LCOR: variants seen among roughly 807,000 people sequenced by gnomAD.
LCOR encodes ligand-dependent corepressor.
Under a neutral mutation model 64.4 loss-of-function variants are expected in LCOR, and 14 were observed. The ratio of observed to expected loss-of-function variants is 0.22; its 90% confidence interval spans 0.14 to 0.34. The LOEUF (loss-of-function observed/expected upper bound fraction) is 0.34, where lower values mean the gene tolerates loss of function less well. Among genes scored for constraint, LCOR ranks in the 10% least tolerant of loss-of-function variants. The probability of loss-of-function intolerance (pLI) is 1.00; values close to 1 mark genes in which losing one functional copy is unlikely to be tolerated. For synonymous variants in LCOR, 643 were observed against 642.5 expected (o/e 1.00, Z -0.01); for missense variants, 1,686 against 1,765.3 (o/e 0.96, Z 0.80).
At chr10:96,916,090 G>A (rs1846937998) in intron 4 of LCOR, among the ~76,000 whole-genome samples, 2 of 152,026 alleles carry the variant, frequency 1.3e-5, no homozygotes, top group African/African-American at 2.4e-5. Context: ...GGAGTGCAGT[G>A]GCGCAATCTG....
intron 2 of LCOR, among the ~76,000 whole-genome samples, chr10:96,860,271 T>C (rs1845866188): frequency 6.6e-6 from 1 of 152,190 alleles, no homozygotes; most frequent in East Asian, 1.9e-4. Context: ...ATAAGGTCTT[T>C]GCAGTTAAAA....
intron 7 of LCOR, among the ~76,000 whole-genome samples, chr10:96,972,885 T>G (rs548130743): frequency 1.3e-5 from 2 of 152,194 alleles, no homozygotes; most frequent in Non-Finnish European, 2.9e-5. Flanking sequence ...CATGGTAAAC[T>G]TAGCAATTAC....
chr10:96,956,196 T>C (rs962502888), intron 7 of LCOR: 4 of 1,165,988 alleles, frequency 3.4e-6, no homozygotes, highest in African/African-American at 1.6e-5. Context: ...TACATGGAAG[T>C]GGACTCCTTG....
chr10:96,991,019 ATG>A lies in LCOR; in HGVS notation c.*5887_*5888del, dbSNP rs1848195913. On this transcript the variant is annotated 3_prime_UTR_variant, in exon 8 of 8. Coordinates refer to ENST00000421806, the MANE Select transcript of LCOR (RefSeq NM_001346516.2). ...ATTTTTTACCCTTTTTTAAAGGGTTATGTAAAAAAAAAAAAAAAAAAAAAAAG... is the reference window on the plus strand; with the variant it reads ...ATTTTTTACCCTTTTTTAAAGGGTTATAAAAAAAAAAAAAAAAAAAAAAAG... 7.7e-6 allele frequency: 1 copy of A among 129,190 alleles called. No homozygotes were observed. The highest frequency in any genetic ancestry group is 2.9e-5 in the African/African-American group (1 of 34,386). The allele number at this position is 129,190 out of a possible 1,614,324, so 8.0% of individuals were successfully genotyped here. A position where few individuals can be genotyped will look rare whatever the true frequency, so the allele number is the denominator to read the frequency against.
In LCOR at chr10:96,966,914, T is replaced by A. The variant is rs75381035; in HGVS notation, c.333-13879T>A. Among the ~76,000 whole-genome samples, 140 of 152,294 alleles carry A rather than the reference T, an allele frequency of 9.2e-4. 2 individuals are homozygous for A. In the East Asian group the frequency reaches 0.02, roughly 22 times the overall value. On this transcript the variant is annotated intron_variant, in intron 7 of 7. Coordinates refer to ENST00000421806, the MANE Select transcript of LCOR (RefSeq NM_001346516.2). The stretch of plus-strand genomic sequence containing the variant: ...CCATGCCTGGCTAATTTTACAATTT[T>A]TTGTGGAGACAAGGTTTCAGTACGT...
intron 2 of LCOR, among the ~76,000 whole-genome samples, chr10:96,852,539 A>G (rs1259979963): frequency 1.3e-5 from 2 of 152,222 alleles, no homozygotes; most frequent in African/African-American, 2.4e-5. Flanking sequence ...CTCATTATGT[A>G]TATGCAAATA....
intron 4 of LCOR, among the ~76,000 whole-genome samples, chr10:96,943,312 G>C (rs1847529463): frequency 6.6e-6 from 1 of 152,144 alleles, no homozygotes; most frequent in South Asian, 2.1e-4. Flanking sequence ...GGCCAGGCTG[G>C]TCTCGAACTC....
At chr10:96,885,795 A>T (rs890482645) in intron 2 of LCOR, among the ~76,000 whole-genome samples, 2 of 151,962 alleles carry the variant, frequency 1.3e-5, no homozygotes, top group African/African-American at 4.8e-5. Flanking sequence ...GGTTTTACTT[A>T]AAGTTCTAAT....
intron 2 of LCOR, among the ~76,000 whole-genome samples, chr10:96,835,360 A>G (rs1845424856): frequency 6.6e-6 from 1 of 152,242 alleles, no homozygotes; most frequent in African/African-American, 2.4e-5. Context: ...TAAAGATAGT[A>G]AAGTTCAGAA....
chr10:96,901,956 G>C (rs1214604811), intron 2 of LCOR, among the ~76,000 whole-genome samples: 1 of 152,118 alleles, frequency 6.6e-6, no homozygotes, highest in Non-Finnish European at 1.5e-5. Context: ...CTTTTTTATA[G>C]AGACGGAGTT....
intron 2 of LCOR, among the ~76,000 whole-genome samples, chr10:96,834,233 C>T (rs945828171): frequency 2.0e-5 from 3 of 152,108 alleles, no homozygotes; most frequent in African/African-American, 4.8e-5. Flanking sequence ...TATCTGATAC[C>T]AGTTTGGTTG....
At chr10:96,972,282 C>T (rs931893282) in intron 7 of LCOR, among the ~76,000 whole-genome samples, 8 of 151,982 alleles carry the variant, frequency 5.3e-5, no homozygotes, top group African/African-American at 1.7e-4. Context: ...GCCTCTGAAC[C>T]CTCCCTTTTT....
intron 2 of LCOR, among the ~76,000 whole-genome samples, chr10:96,870,729 C>T (rs1311844244): frequency 2.6e-5 from 4 of 152,148 alleles, no homozygotes; most frequent in Non-Finnish European, 5.9e-5. Flanking sequence ...AATAATACTC[C>T]TATTGCTTTG....
intron 2 of LCOR, among the ~76,000 whole-genome samples, chr10:96,888,025 A>G (rs1846373498): frequency 6.6e-6 from 1 of 151,826 alleles, no homozygotes; most frequent in African/African-American, 2.4e-5. Context: ...AATATCTGAC[A>G]AACTGTGGTT....
chr10:96,859,278 C>T (rs7922565), intron 2 of LCOR, among the ~76,000 whole-genome samples: 11,025 of 151,898 alleles, frequency 0.073, 438 homozygotes, highest in East Asian at 0.18. Context: ...GGCACAATCT[C>T]GGCTCACTGC....
intron 1 of LCOR, 162 bp from the exon 2 acceptor site, chr10:96,833,244 C>T: frequency 1.0e-6 from 1 of 967,436 alleles, no homozygotes; most frequent in Non-Finnish European, 1.2e-6. Context: ...GCAGCCTCGC[C>T]CGAATGCCCC....
chr10:96,920,635 C>CATATATGTGT (rs1202955880), intron 4 of LCOR, among the ~76,000 whole-genome samples: 4 of 132,838 alleles, frequency 3.0e-5, no homozygotes, highest in Non-Finnish European at 4.8e-5. Flanking sequence ...TATGTACATT[C>CATATATGTGT]ATATATGTGT....
At chr10:96,835,462 TTTCTC>T (rs2134356532) in intron 2 of LCOR, among the ~76,000 whole-genome samples, 1 of 152,330 alleles carries the variant, frequency 6.6e-6, no homozygotes, top group South Asian at 2.1e-4. Flanking sequence ...GGCCTCATAT[TTTCTC>T]TTTTATTATA....
chr10:96,914,283 A>G (rs1846898800), intron 4 of LCOR, among the ~76,000 whole-genome samples: 1 of 152,026 alleles, frequency 6.6e-6, no homozygotes, highest in Non-Finnish European at 1.5e-5. Context: ...TGCAACCTCC[A>G]CCTCCCAGAT....
Sources: allele counts gnomAD v4.1 joint callset (sites outside exome capture counted in the v4.1 genomes callset), GRCh38; gene constraint gnomAD v4.1.1; transcripts MANE v1.5; gene names NCBI Gene and HGNC (gene_info 2026-07-23, HGNC 2026-07-21).